The following TCF4 variants were observed in gnomAD, a reference collection of about 807,000 sequenced individuals.
TCF4 encodes the protein SL3-3 enhancer factor 2.
A neutral mutation model predicts 82.1 loss-of-function variants in TCF4; 3 were observed. The ratio of observed to expected loss-of-function variants is 0.04; its 90% CI spans 0.02 to 0.09. The LOEUF (loss-of-function observed/expected upper bound fraction) is 0.09. Among genes scored for constraint, TCF4 ranks in the 10% least tolerant of loss-of-function variants. The pLI is 1.00. For missense variants in TCF4, 518 were observed against 852.7 expected (o/e 0.61, Z 4.89); for synonymous variants, 276 against 309.6 (o/e 0.89, Z 1.14).
chr18:55,478,230 G>C (rs2096341328), intron 3 of TCF4, among the ~76,000 whole-genome samples: 1 of 152,160 alleles, frequency 6.6e-6, no homozygotes, highest in Admixed American at 6.5e-5. Flanking sequence ...GTTACTTTAA[G>C]ATTTGTTGTA....
At chr18:55,237,696 A>G (rs145011330) in intron 15 of TCF4, among the ~76,000 whole-genome samples, 1 of 152,182 alleles carries the variant, frequency 6.6e-6, no homozygotes, top group Non-Finnish European at 1.5e-5. Flanking sequence ...ATGCCCTCTG[A>G]TAGGTCCAGA....
intron 6 of TCF4, among the ~76,000 whole-genome samples, chr18:55,370,450 TA>T (rs1449036675): frequency 6.6e-6 from 1 of 151,592 alleles, no homozygotes; most frequent in Non-Finnish European, 1.5e-5. Flanking sequence ...GATAGATAGA[TA>T]GATAGATAGA....
intron 5 of TCF4, among the ~76,000 whole-genome samples, chr18:55,414,829 A>G (rs191623500): frequency 1.4e-4 from 21 of 152,340 alleles, no homozygotes; most frequent in Non-Finnish European, 1.5e-5. Flanking sequence ...AAAACAAAAA[A>G]TATTTTACTC....
intron 8 of TCF4, chr18:55,322,267 T>G: frequency 9.5e-7 from 1 of 1,053,696 alleles, no homozygotes; most frequent in Non-Finnish European, 1.1e-6. Context: ...CTCTTTCTTT[T>G]TTGTTTTAAT....
chr18:55,298,920 T>TA (rs986030285), intron 8 of TCF4, among the ~76,000 whole-genome samples: 1 of 152,238 alleles, frequency 6.6e-6, no homozygotes, highest in African/African-American at 2.4e-5. Context: ...ATTATAAAGA[T>TA]ACGGCCAATT....
chr18:55,524,242 A>G lies in TCF4; in HGVS notation c.146-60105T>C, dbSNP rs963079587. On this transcript the variant is annotated intron_variant, in intron 3 of 19. Coordinates refer to ENST00000354452, the MANE Select transcript of TCF4 (RefSeq NM_001083962.2). ...TGTTGGTCAAGAATGTTTTTCTGCA[A>G]GACTCAGATATATTGTTACTATATG... is the stretch of plus-strand genomic sequence containing the variant. Among the ~76,000 whole-genome samples the G allele has an allele frequency of 6.6e-5, 10 of 152,230 alleles. No individual in the cohort carries two copies. The East Asian group carries it at 1.9e-3, about 29-fold the overall frequency.
chr18:55,285,529 T>A (rs2063491548), intron 8 of TCF4, among the ~76,000 whole-genome samples: 1 of 152,318 alleles, frequency 6.6e-6, no homozygotes, highest in African/African-American at 2.4e-5. Flanking sequence ...TGAATTAAAC[T>A]CAACCAAAGT....
intron 5 of TCF4, chr18:55,403,999 C>A: frequency 1.6e-6 from 2 of 1,218,718 alleles, no homozygotes; most frequent in Non-Finnish European, 2.1e-6. Context: ...CTGAGTCTCT[C>A]TCTCTCTCTC....
chr18:55,391,955 CTT>C (rs1212656712), intron 6 of TCF4, among the ~76,000 whole-genome samples: 9 of 61,692 alleles, frequency 1.5e-4, no homozygotes, highest in African/African-American at 5.5e-4. Context: ...AAAAAAAAAT[CTT>C]TTTTTTTTTT....
At chr18:55,397,057 G>A (rs892272456) in intron 6 of TCF4, among the ~76,000 whole-genome samples, 1 of 152,176 alleles carries the variant, frequency 6.6e-6, no homozygotes, top group Non-Finnish European at 1.5e-5. Context: ...TTGGGAAAAA[G>A]GGGTATCTGT....
intron 6 of TCF4, among the ~76,000 whole-genome samples, chr18:55,356,078 A>G (rs2083444320): frequency 6.6e-6 from 1 of 152,156 alleles, no homozygotes. Flanking sequence ...GTTATCAGGA[A>G]TAGATGAAAC....
At chr18:55,241,673 C>T (rs565191468) in intron 15 of TCF4, among the ~76,000 whole-genome samples, 1 of 152,278 alleles carries the variant, frequency 6.6e-6, no homozygotes, top group Admixed American at 6.5e-5. Flanking sequence ...TACCCATTGG[C>T]CTTTATTTCT....
chr18:55,308,253 G>T (rs1296966494), intron 8 of TCF4, among the ~76,000 whole-genome samples: 1 of 152,156 alleles, frequency 6.6e-6, no homozygotes, highest in African/African-American at 2.4e-5. Context: ...TGGATTATGT[G>T]AGTAAATACA....
intron 2 of TCF4, among the ~76,000 whole-genome samples, chr18:55,604,589 A>C (rs1437686579): frequency 6.6e-6 from 1 of 152,212 alleles, no homozygotes; most frequent in South Asian, 2.1e-4. Flanking sequence ...GGGATTCTGC[A>C]TGGTGAGCAA....
At chr18:55,458,475 C>A (rs984238763) in intron 5 of TCF4, among the ~76,000 whole-genome samples, 1 of 152,138 alleles carries the variant, frequency 6.6e-6, no homozygotes, top group East Asian at 1.9e-4. Flanking sequence ...TTCAAACTGT[C>A]CCCTACACCA....
intron 5 of TCF4, among the ~76,000 whole-genome samples, chr18:55,455,179 CAAAAAAAAAA>C (rs35889370): frequency 7.4e-5 from 5 of 67,470 alleles, no homozygotes; most frequent in Non-Finnish European, 1.2e-4. Context: ...GACTCTGTCT[CAAAAAAAAAA>C]AAAAAAAAAA....
intron 5 of TCF4, among the ~76,000 whole-genome samples, chr18:55,442,772 C>T (rs891000186): frequency 6.6e-6 from 1 of 152,116 alleles, no homozygotes; most frequent in Non-Finnish European, 1.5e-5. Flanking sequence ...AGGAAATGAC[C>T]GGAACAGAAG....
intron 5 of TCF4, chr18:55,403,780 TAACA>T: frequency 1.3e-6 from 2 of 1,525,172 alleles, no homozygotes; most frequent in Non-Finnish European, 1.8e-6. Flanking sequence ...CCACTTTCTC[TAACA>T]AACAAATCGT....
At chr18:55,361,614 C>A (rs148017548) in intron 6 of TCF4, among the ~76,000 whole-genome samples, 3,454 of 152,318 alleles carry the variant, frequency 0.023, 64 homozygotes, top group Non-Finnish European at 0.035. Flanking sequence ...GAGACTCCTT[C>A]CCCAGCTATG....
Sources: allele counts gnomAD v4.1 joint callset (sites outside exome capture counted in the v4.1 genomes callset), GRCh38; gene constraint gnomAD v4.1.1; transcripts MANE v1.5; gene names NCBI Gene and HGNC (gene_info 2026-07-23, HGNC 2026-07-21).